TMEM131: variants seen among roughly 807,000 people sequenced by gnomAD.
TMEM131 encodes 2610524E03Rik.
A neutral mutation model predicts 211.6 loss-of-function variants in TMEM131; 66 were observed. The observed-to-expected ratio is 0.31, with a 90% CI of 0.26 to 0.38. The LOEUF is 0.38. Among genes scored for constraint, TMEM131 ranks in the 10% least tolerant of loss-of-function variants. The pLI is 1.00. For missense variants in TMEM131, 2,036 were observed against 2,299.3 expected (o/e 0.89, Z 2.34); for synonymous variants, 844 against 841.3 (o/e 1.00, Z -0.06).
Position 97,811,203 on chromosome 2 carries a change from G to A in TMEM131, c.1893C>T (p.Val631=). Residue 631 remains valine, a synonymous_variant, in exon 18 of 41, where the codon GTC becomes GTT. Coordinates refer to ENST00000186436, the MANE Select transcript of TMEM131 (RefSeq NM_015348.2). ...TTTTTGCAGTAAGTTTGACTCTGAA[G>A]ACTGCAAAATAGCCTGAAGCTAATG... is the stretch of plus-strand genomic sequence containing the variant. The part of the protein sequence containing the change: ...SVTLASGYFA[V]FRVKLTAKKL... 6.2e-7 allele frequency: 1 copy of A among 1,613,614 alleles called. No homozygotes were observed. Among genetic ancestry groups the A allele is most frequent in the Non-Finnish European group, 8.5e-7 (1 of 1,179,666 alleles).
intron 7 of TMEM131, among the ~76,000 whole-genome samples, chr2:97,840,815 A>G (rs537508881): frequency 6.6e-6 from 1 of 152,338 alleles, no homozygotes; most frequent in African/African-American, 2.4e-5. Context: ...AACTGGGGCT[A>G]TCTTCACCCA....
intron 4 of TMEM131, among the ~76,000 whole-genome samples, chr2:97,877,706 C>G (rs1356669574): frequency 6.6e-6 from 1 of 152,148 alleles, no homozygotes; most frequent in Non-Finnish European, 1.5e-5. Context: ...AAAATAAACT[C>G]AAGATGGATC....
intron 31 of TMEM131, among the ~76,000 whole-genome samples, chr2:97,781,355 C>G (rs1300948044): frequency 6.6e-6 from 1 of 152,210 alleles, no homozygotes; most frequent in Non-Finnish European, 1.5e-5. Context: ...AACCCAAGTC[C>G]AAATGCTTAT....
chr2:97,961,751 A>C (rs554839916), intron 1 of TMEM131, among the ~76,000 whole-genome samples: 20 of 152,388 alleles, frequency 1.3e-4, no homozygotes, highest in Non-Finnish European at 2.2e-4. Flanking sequence ...CTGAGTTTCA[A>C]TAAAGGTGCC....
intron 27 of TMEM131, 70 bp from the exon 28 acceptor site, chr2:97,796,474 C>A: frequency 2.1e-6 from 2 of 964,144 alleles, no homozygotes; most frequent in Non-Finnish European, 3.1e-6. Context: ...ATGATAAATA[C>A]ATTATTCATG....
intron 1 of TMEM131, among the ~76,000 whole-genome samples, chr2:97,972,502 G>A (rs1199689070): frequency 3.3e-5 from 5 of 150,630 alleles, no homozygotes; most frequent in Admixed American, 2.0e-4. Flanking sequence ...GCAGGCAGGC[G>A]GGCAGGCAGG....
intron 2 of TMEM131, among the ~76,000 whole-genome samples, chr2:97,912,664 T>C (rs558420279): frequency 2.6e-5 from 4 of 152,304 alleles, no homozygotes; most frequent in African/African-American, 4.8e-5. Flanking sequence ...AATATGTATA[T>C]GCATGTGAGT....
At chr2:97,921,066 T>G (rs1676721172) in intron 2 of TMEM131, among the ~76,000 whole-genome samples, 1 of 151,444 alleles carries the variant, frequency 6.6e-6, no homozygotes. Context: ...AAGACATTAC[T>G]GAGAAGAATA....
intron 4 of TMEM131, among the ~76,000 whole-genome samples, chr2:97,863,135 T>C (rs551285392): frequency 3.9e-5 from 6 of 152,172 alleles, no homozygotes; most frequent in Non-Finnish European, 8.8e-5. Flanking sequence ...ACTTTTACCC[T>C]AGAATAGTAT....
intron 3 of TMEM131, chr2:97,907,079 G>A (rs897475034): frequency 1.3e-5 from 2 of 152,152 alleles, no homozygotes; most frequent in Non-Finnish European, 2.9e-5. Context: ...AAAGAATCAA[G>A]GAAGAATCAC....
chr2:97,762,275 T>C, intron 35 of TMEM131, 75 bp from the exon 36 acceptor site: 2 of 1,442,810 alleles, frequency 1.4e-6, no homozygotes, highest in Non-Finnish European at 1.9e-6. Flanking sequence ...TTGAATGTTC[T>C]CTAAGACTAT....
At chr2:97,988,363 G>A (rs1033321288) in intron 1 of TMEM131, among the ~76,000 whole-genome samples, 5 of 152,170 alleles carry the variant, frequency 3.3e-5, no homozygotes, top group Admixed American at 2.6e-4. Flanking sequence ...ATGCCTAGGA[G>A]AAAGCATAGG....
At chr2:97,767,998 A>G (rs1314384961) in intron 33 of TMEM131, among the ~76,000 whole-genome samples, 1 of 152,262 alleles carries the variant, frequency 6.6e-6, no homozygotes, top group Non-Finnish European at 1.5e-5. Context: ...GTGTGAGCTC[A>G]TAAATAAACA....
At chr2:97,911,817 G>A (rs1325228336) in intron 2 of TMEM131, 5 of 227,772 alleles carry the variant, frequency 2.2e-5, no homozygotes, top group Non-Finnish European at 3.6e-5. Flanking sequence ...ATGAGAATAA[G>A]GAAGATCACA....
intron 24 of TMEM131, 39 bp downstream of exon 24, chr2:97,802,389 C>T (rs758663355): frequency 1.4e-6 from 2 of 1,412,140 alleles, no homozygotes; most frequent in East Asian, 4.6e-5. Flanking sequence ...TAATTCAATA[C>T]TACATAGAAA....
At chr2:97,887,255 G>C (rs1408770716) in intron 4 of TMEM131, among the ~76,000 whole-genome samples, 1 of 152,256 alleles carries the variant, frequency 6.6e-6, no homozygotes, top group African/African-American at 2.4e-5. Flanking sequence ...GCACAAAGCT[G>C]CTTGGCTAGC....
In TMEM131 at chr2:97,811,158, A is replaced by G. The variant is rs1316777593; in HGVS notation, c.1938T>C (p.Asp646=). ...LTAKKLEGIH[D]GAIQITTDYE... Reference sequence around the variant, plus strand: ...AGTCTGTTGTGATCTGGATGGCTCCATCATGAATCCCCTCTAATTTTTTTG... The same window carrying G: ...AGTCTGTTGTGATCTGGATGGCTCCGTCATGAATCCCCTCTAATTTTTTTG... The change falls in exon 18 of 41, where the codon GAT becomes GAC. Residue 646 remains aspartate (D), a synonymous_variant. Coordinates refer to ENST00000186436, the MANE Select transcript of TMEM131 (RefSeq NM_015348.2). 1 of 1,613,790 alleles carries G rather than the reference A, an allele frequency of 6.2e-7. No homozygotes were observed. Among genetic ancestry groups the G allele is most frequent in the East Asian group, 2.2e-5 (1 of 44,858 alleles).
At chr2:97,836,388 G>A (rs946351338) in intron 8 of TMEM131, among the ~76,000 whole-genome samples, 7 of 152,290 alleles carry the variant, frequency 4.6e-5, no homozygotes, top group South Asian at 4.1e-4. Context: ...CATTACAGAT[G>A]AGCAGTGATC....
intron 31 of TMEM131, among the ~76,000 whole-genome samples, chr2:97,788,181 C>T (rs1680338134): frequency 6.6e-6 from 1 of 152,140 alleles, no homozygotes; most frequent in South Asian, 2.1e-4. Flanking sequence ...CATTCTTCAC[C>T]ACTGGGCTGC....
Sources: allele counts gnomAD v4.1 joint callset (sites outside exome capture counted in the v4.1 genomes callset), GRCh38; gene constraint gnomAD v4.1.1; transcripts MANE v1.5; gene names NCBI Gene and HGNC (gene_info 2026-07-23, HGNC 2026-07-21).